The following PDXDC1 variants were observed in gnomAD, a reference collection of about 807,000 sequenced individuals.
The protein encoded by PDXDC1 is pyridoxal-dependent decarboxylase domain-containing protein 1.
Under a neutral mutation model 100.1 loss-of-function variants are expected in PDXDC1, and 42 were observed. The ratio of observed to expected loss-of-function variants is 0.42; its 90% CI spans 0.33 to 0.54. PDXDC1 has a LOEUF of 0.54. PDXDC1 is among the 20% of genes least tolerant of loss of function. PDXDC1 has a pLI of 0.10. For synonymous variants in PDXDC1, 260 were observed against 371.7 expected (o/e 0.70, Z 3.46); for missense variants, 636 against 979.2 (o/e 0.65, Z 4.68).
intron 16 of PDXDC1, among the ~76,000 whole-genome samples, chr16:15,074,517 A>G (rs1482173418): frequency 6.6e-6 from 1 of 152,240 alleles, no homozygotes; most frequent in African/African-American, 2.4e-5. Flanking sequence ...AAGACAGAAG[A>G]CAAATATAAC....
chr16:15,131,438 C>T, intron 16 of PDXDC1: 1 of 1,608,562 alleles, frequency 6.2e-7, no homozygotes, highest in South Asian at 1.1e-5. Context: ...CTGCTGAAAG[C>T]CTAGGGGATG....
At chr16:14,975,735 G>A (rs1281226571) in intron 1 of PDXDC1, 1 of 957,326 alleles carries the variant, frequency 1.0e-6, no homozygotes, top group Non-Finnish European at 1.2e-6. Context: ...GGTAAAATGC[G>A]GAGGTTCAGT....
At chr16:15,055,870 CCCGCG>C in intron 16 of PDXDC1, 1 of 1,209,388 alleles carries the variant, frequency 8.3e-7, no homozygotes, top group Non-Finnish European at 1.0e-6. Context: ...GCCCCGAAGC[CCCGCG>C]CCGCGCCCCA....
At chr16:15,074,679 G>C in intron 16 of PDXDC1, 2 of 1,507,918 alleles carry the variant, frequency 1.3e-6, no homozygotes, top group Non-Finnish European at 1.8e-6. Context: ...CACAAAGCCA[G>C]GTACACTGCA....
chr16:15,032,425 G>T lies in PDXDC1; in HGVS notation c.1572-436G>T, dbSNP rs138461170. The T allele has an allele frequency of 3.5e-3, 598 of 171,110 alleles. 5 individuals carry two copies. Among genetic ancestry groups the T allele is most frequent in the African/African-American group, 0.014 (578 of 41,960 alleles). The allele number at this position is 171,110 out of a possible 1,614,324, so 10.6% of individuals were successfully genotyped here. ...CCAGCACTTTGGGAGGCCAACAGGA[G>T]CATAGATGACTTGAGGCCAGGAGCT... On this transcript the variant is annotated intron_variant, in intron 17 of 22. Transcript: ENST00000396410.
chr16:15,047,772 C>G (rs371003137), intron 16 of PDXDC1: 1 of 1,201,284 alleles, frequency 8.3e-7, no homozygotes, highest in South Asian at 1.2e-5. Context: ...AACAAGACAC[C>G]AGGAAACTCA....
In PDXDC1 at chr16:15,043,873, A is replaced by G. The variant is rs1011037208; in HGVS notation, c.1399+13817A>G. Among the ~76,000 whole-genome samples the G allele has an allele frequency of 4.6e-5, 7 of 152,224 alleles. No homozygotes were observed. The East Asian group carries it at 7.7e-4, about 17-fold the overall frequency. On this transcript the variant is annotated intron_variant, in intron 16 of 16. Transcript: ENST00000535621. ...TGAGGCAAGAGAATTGCTTGAACCC[A>G]GGAGGCAGAGCTTGCAGTGAGCCGA... is the stretch of plus-strand genomic sequence containing the variant.
chr16:15,057,880 T>C (rs541838630), intron 16 of PDXDC1, among the ~76,000 whole-genome samples: 1 of 152,264 alleles, frequency 6.6e-6, no homozygotes, highest in African/African-American at 2.4e-5. Flanking sequence ...TTTTTTCAAG[T>C]AATCTCAGGT....
At chr16:15,019,364 C>G (rs1301305940) in intron 12 of PDXDC1, among the ~76,000 whole-genome samples, 2 of 152,290 alleles carry the variant, frequency 1.3e-5, no homozygotes, top group African/African-American at 4.8e-5. Flanking sequence ...ATTTTATAAA[C>G]CAGCTGGCTT....
intron 16 of PDXDC1, among the ~76,000 whole-genome samples, chr16:15,132,375 AGGGGGAGGGG>A (rs1487424079): frequency 2.5e-4 from 1 of 3,942 alleles, no homozygotes; most frequent in Admixed American, 3.4e-3. Flanking sequence ...AAGGGGAGGG[AGGGGGAGGGG>A]AGGGGTTAGG....
chr16:15,125,145 C>A, intron 16 of PDXDC1: 2 of 444,716 alleles, frequency 4.5e-6, no homozygotes, highest in South Asian at 4.4e-5. Context: ...GAATGAGACT[C>A]TGTCTCAAAA....
chr16:15,076,572 C>G (rs531963820), intron 16 of PDXDC1: 1 of 1,610,780 alleles, frequency 6.2e-7, no homozygotes, highest in Admixed American at 1.7e-5. Context: ...TTAAACAATC[C>G]TTCCGTGGAA....
intron 12 of PDXDC1, among the ~76,000 whole-genome samples, 186 bp downstream of exon 12, chr16:15,019,151 C>A (rs2041997364): frequency 6.6e-6 from 1 of 152,276 alleles, no homozygotes; most frequent in Admixed American, 6.5e-5. Context: ...GCTGGGTTGT[C>A]TGTCCCAGCA....
chr16:15,014,947 T>C (rs1212649547), intron 8 of PDXDC1, among the ~76,000 whole-genome samples: 2 of 152,294 alleles, frequency 1.3e-5, no homozygotes, highest in African/African-American at 4.8e-5. Context: ...TTTTGTTTGT[T>C]TGTTTTTTGA....
intron 16 of PDXDC1, chr16:15,104,543 C>G (rs62039523): frequency 6.8e-7 from 1 of 1,472,880 alleles, no homozygotes; most frequent in Non-Finnish European, 9.0e-7. Flanking sequence ...AGCAGACACT[C>G]GGAGGTGTCT....
At chr16:15,125,797 C>A (rs1456166177) in intron 16 of PDXDC1, 1 of 1,334,560 alleles carries the variant, frequency 7.5e-7, no homozygotes, top group South Asian at 1.2e-5. Flanking sequence ...GGGGCTCGGG[C>A]TCCCAGCCAC....
chr16:15,080,919 T>C lies in PDXDC1; in HGVS notation c.1399+50863T>C, dbSNP rs565663790. ...ATGTAAACCATTCCTCTCATATCAA[T>C]GGAGTCATACACAGTTTGTGGCATG... On this transcript the variant is annotated intron_variant, in intron 16 of 16. Transcript: ENST00000535621. Among the ~76,000 whole-genome samples, 6 of 151,956 alleles carry C rather than the reference T, an allele frequency of 3.9e-5. No homozygotes were observed. In the East Asian group the frequency reaches 1.2e-3, roughly 29 times the overall value.
At chr16:15,023,881 T>C (rs2042387047) in intron 13 of PDXDC1, among the ~76,000 whole-genome samples, 1 of 152,294 alleles carries the variant, frequency 6.6e-6, no homozygotes, top group South Asian at 2.1e-4. Context: ...GTCATTTTCT[T>C]TCCAAGCTTG....
chr16:15,101,223 G>A (rs909776533), intron 16 of PDXDC1, among the ~76,000 whole-genome samples: 6 of 152,156 alleles, frequency 3.9e-5, no homozygotes, highest in African/African-American at 1.4e-4. Flanking sequence ...TTATTTTCCT[G>A]TAAATATGAA....
Sources: allele counts gnomAD v4.1 joint callset (sites outside exome capture counted in the v4.1 genomes callset), GRCh38; gene constraint gnomAD v4.1.1; transcripts MANE v1.5; gene names NCBI Gene and HGNC (gene_info 2026-07-23, HGNC 2026-07-21).